The following CD163L1 variants were observed in gnomAD, a reference collection of about 807,000 sequenced individuals.
CD163L1 encodes the protein scavenger receptor cysteine-rich type 1 protein M160.
In CD163L1, 124 loss-of-function variants were observed where a neutral mutation model predicts 165.4. That is an observed-to-expected ratio of 0.75 (90% CI 0.65 to 0.87). CD163L1 has a LOEUF of 0.87. CD163L1 is among the 40% of genes least tolerant of loss of function. The pLI is 0.00. For synonymous variants in CD163L1, 585 were observed against 662.2 expected, an observed-to-expected ratio of 0.88 and a Z score of 1.79; for missense variants, 1,525 against 1,799.9, an observed-to-expected ratio of 0.85 and a Z score of 2.76.
At chr12:7,354,077 G>C (rs946979819), downstream of CD163L1, among the ~76,000 whole-genome samples, 2 of 152,016 alleles carry the variant, frequency 1.3e-5, no homozygotes, top group Non-Finnish European at 2.9e-5. Flanking sequence ...TTTCTTACCA[G>C]ATTTGTGAAC....
At chr12:7,324,091 T>TC in the CD163L1 span, among the ~76,000 whole-genome samples, 34 of 151,490 alleles carry the variant, frequency 2.2e-4, no homozygotes, top group African/African-American at 8.0e-4. Flanking sequence ...GGTGAGAGGA[T>TC]CACTAGAGCC....
chr12:7,424,562 T>C (rs774861283), intron 4 of CD163L1, among the ~76,000 whole-genome samples: 6 of 152,170 alleles, frequency 3.9e-5, no homozygotes, highest in Admixed American at 6.6e-5. Flanking sequence ...TGTTTGCAGA[T>C]GACATGATTG....
At position 7,433,656 on chromosome 12, in the gene CD163L1, C is replaced by T. The variant is rs762956882; in HGVS notation, c.163G>A (p.Gly55Ser). 20 of 1,613,662 alleles carry T rather than the reference C, an allele frequency of 1.2e-5. No individual in the cohort carries two copies. Among genetic ancestry groups the T allele is most frequent in the East Asian group, 4.5e-5 (2 of 44,894 alleles). The change falls in exon 3 of 20, where the codon GGT (glycine) becomes AGT (serine). Residue 55 changes from glycine to serine, a missense_variant. Coordinates refer to ENST00000313599, the MANE Select transcript of CD163L1 (RefSeq NM_174941.6). ...DLELRLVNGDGPCSGTVEVKF... is the reference protein window; with the variant it reads ...DLELRLVNGDSPCSGTVEVKF... The stretch of plus-strand genomic sequence containing the variant: ...ACCTCCACTGTCCCAGAGCAGGGAC[C>T]GTCTCCATTGACCAGCCTCAACTCC...
intron 8 of CD163L1, among the ~76,000 whole-genome samples, chr12:7,385,806 C>T (rs1455487986): frequency 1.3e-5 from 2 of 151,652 alleles, no homozygotes; most frequent in African/African-American, 4.8e-5. Context: ...TTTCTTGAAA[C>T]AAATGAAAAT....
chr12:7,438,834 C>T (rs1230686086), intron 2 of CD163L1: 13 of 1,560,462 alleles, frequency 8.3e-6, no homozygotes, highest in South Asian at 1.1e-5. Context: ...AACCTCCAGC[C>T]CTTTGGCGTT....
chr12:7,367,435 A>ATGTTGAAGTCGAGGAGCTTATCGGGG, intron 17 of CD163L1, 104 bp from the exon 18 acceptor site: 1 of 611,138 alleles, frequency 1.6e-6, no homozygotes, highest in South Asian at 3.0e-5. Context: ...CCTCTGAGCT[A>ATGTTGAAGTCGAGGAGCTTATCGGGG]AAATCCAATG....
chr12:7,353,567 T>C (rs973195890), downstream of CD163L1, among the ~76,000 whole-genome samples: 2 of 152,062 alleles, frequency 1.3e-5, no homozygotes, highest in Admixed American at 1.3e-4. Flanking sequence ...ATATGATTAA[T>C]GTTGCATTTA....
intron 4 of CD163L1, among the ~76,000 whole-genome samples, chr12:7,429,143 C>A (rs1448741363): frequency 6.6e-6 from 1 of 151,986 alleles, no homozygotes; most frequent in Non-Finnish European, 1.5e-5. Flanking sequence ...ATACTTTTAT[C>A]TTCCTCATTT....
At chr12:7,360,328 A>C (rs1349132236) in intron 18 of CD163L1, among the ~76,000 whole-genome samples, 1 of 152,074 alleles carries the variant, frequency 6.6e-6, no homozygotes, top group Non-Finnish European at 1.5e-5. Context: ...TTTTTAGTAG[A>C]GATGAGGTTT....
the CD163L1 span, among the ~76,000 whole-genome samples, chr12:7,327,883 T>C: frequency 2.8e-3 from 433 of 152,232 alleles, 5 homozygotes; most frequent in African/African-American, 9.1e-3. Flanking sequence ...GAAAACTGTA[T>C]ATACTCCAAA....
Position 7,357,451 on chromosome 12 carries a change from C to G in CD163L1, c.4315G>C (p.Asp1439His). The G allele has an allele frequency of 6.2e-7, 1 of 1,612,624 alleles. No individual in the cohort carries two copies. The highest frequency in any genetic ancestry group is 8.5e-7 in the Non-Finnish European group (1 of 1,179,102). Residue 1439 changes from aspartate (D) to histidine (H), a missense_variant, in exon 19 of 20, where the codon GAC (aspartate) becomes CAC (histidine). Coordinates refer to ENST00000313599, the MANE Select transcript of CD163L1 (RefSeq NM_174941.6). ...TPNHGCEDAS[D>H]TSLLGVLPAS... Reference sequence around the variant, plus strand: ...GGAAGAACTCCCAACAGCGATGTGTCGCTAGCATCTTCACAACCATGGTTG... The same window carrying G: ...GGAAGAACTCCCAACAGCGATGTGTGGCTAGCATCTTCACAACCATGGTTG...
At chr12:7,331,874 G>A in the CD163L1 span, among the ~76,000 whole-genome samples, 5 of 152,280 alleles carry the variant, frequency 3.3e-5, no homozygotes, top group Admixed American at 6.5e-5. Flanking sequence ...AAATCAGAGC[G>A]CCTCTCCTCC....
At chr12:7,341,021 T>C in the CD163L1 span, among the ~76,000 whole-genome samples, 1 of 152,220 alleles carries the variant, frequency 6.6e-6, no homozygotes, top group Non-Finnish European at 1.5e-5. Flanking sequence ...TAATTCTGTA[T>C]GTGTCCAAAG....
rs1259408237 is a variant in CD163L1 at position 7,432,756 on chromosome 12, A to G, written c.446-20T>C. 9 of 1,562,760 alleles carry G rather than the reference A, an allele frequency of 5.8e-6. No individual in the cohort carries two copies. The highest frequency in any genetic ancestry group is 6.9e-6 in the Non-Finnish European group (8 of 1,154,514). On this transcript the variant is annotated intron_variant, in intron 3 of 19. Transcript: ENST00000313599. This position sits in a 1 kb window ranked among gnomAD's most constrained non-coding sequence, Gnocchi z 4.2. Reference sequence around the variant, plus strand: ...CTTCACCTACGAGAAAGACAAGCAGACATATGAAAAACTGATTCAACTTTG... The same window carrying G: ...CTTCACCTACGAGAAAGACAAGCAGGCATATGAAAAACTGATTCAACTTTG...
At chr12:7,435,173 C>T (rs1225943535) in intron 2 of CD163L1, among the ~76,000 whole-genome samples, 1 of 151,624 alleles carries the variant, frequency 6.6e-6, no homozygotes, top group Non-Finnish European at 1.5e-5. Context: ...GTGTTTTTTT[C>T]AACGTGTACA....
Position 7,428,285 on chromosome 12 carries a change from AT to A in CD163L1, c.766+4130del, listed in dbSNP as rs775420215. On this transcript the variant is annotated intron_variant, in intron 4 of 19. Transcript: ENST00000313599. ...ATAGTCAATTGTACTGATAAAAAAA[AT>A]TTTTTTAAGTCAATGGAATCTATTT... 2.0e-5 allele frequency among the ~76,000 whole-genome samples: 3 copies of A among 152,172 alleles called. No individual in the cohort carries two copies. The East Asian group carries it at 5.8e-4, about 29-fold the overall frequency.
chr12:7,393,808 C>G (rs1353900656), intron 8 of CD163L1, among the ~76,000 whole-genome samples: 2 of 152,126 alleles, frequency 1.3e-5, no homozygotes, highest in African/African-American at 4.8e-5. Flanking sequence ...CATGAGTGAA[C>G]TCCCATTCAC....
intron 4 of CD163L1, among the ~76,000 whole-genome samples, chr12:7,413,093 A>G (rs1948170837): frequency 7.0e-6 from 1 of 142,144 alleles, no homozygotes; most frequent in Non-Finnish European, 1.5e-5. Context: ...CTCCATCTCA[A>G]AAAAAAAAAA....
chr12:7,432,570 A>G lies in CD163L1; in HGVS notation c.612T>C (p.Ser204=). Residue 204 remains serine (S), a synonymous_variant, in exon 4 of 20, where the codon TCT becomes TCC. Transcript: ENST00000313599. The surrounding 1 kb of genome is among the most constrained non-coding windows in gnomAD (Gnocchi z 4.2). ...CAGCAGGGCTATTAACAACTCCAGA[A>G]GAAATAAAAGAAGATGGACATCCTA... is the stretch of plus-strand genomic sequence containing the variant. ...RQLGCPSSFI[S]SGVVNSPAVL... is the part of the protein sequence containing the mutation. 1 of 1,614,186 alleles carries G rather than the reference A, an allele frequency of 6.2e-7. No homozygotes were observed. Among genetic ancestry groups the G allele is most frequent in the Non-Finnish European group, 8.5e-7 (1 of 1,180,034 alleles).
Sources: gnomAD v4.1 joint callset for allele counts (sites outside exome capture counted in the v4.1 genomes callset) on GRCh38, gnomAD v4.1.1 for gene constraint, Gnocchi (gnomAD v3.1) non-coding constraint, MANE v1.5 for transcripts, NCBI Gene and HGNC (gene_info 2026-07-23, HGNC 2026-07-21) for gene names.